Variants in ADAMTSL4 observed in about 807,000 individuals in gnomAD.
The protein encoded by ADAMTSL4 is ADAMTS-like protein 4.
Under a neutral mutation model 122.8 loss-of-function variants are expected in ADAMTSL4, and 97 were observed. The observed-to-expected ratio is 0.79, with a 90% CI of 0.67 to 0.93. ADAMTSL4 has a LOEUF of 0.93. Ranked by LOEUF, ADAMTSL4 falls within the 40% of genes least tolerant of loss-of-function variation. The probability of loss-of-function intolerance (pLI) is 0.00; values close to 1 mark genes in which losing one functional copy is unlikely to be tolerated. For synonymous variants in ADAMTSL4, 592 were observed against 568.0 expected (o/e 1.04, Z -0.60); for missense variants, 1,408 against 1,453.5 (o/e 0.97, Z 0.51).
Position 150,553,749 on chromosome 1 carries a change from C to A in ADAMTSL4, c.758C>A (p.Pro253His). Residue 253 changes from proline (P) to histidine (H), a missense_variant, in exon 6 of 19, where the codon CCC becomes CAC. Pro to His is a moderately conservative substitution (Grantham distance 77). Transcript: ENST00000271643. ...RTRPAPLRHH[P>H]RAQASGTEPP... ...AGGCCTGCCCCCCTACGGCATCACC[C>A]CAGAGCCCAGGCCTCTGGCACAGAG... The A allele has an allele frequency of 6.2e-7, 1 of 1,613,762 alleles. No homozygotes were observed. Among genetic ancestry groups the A allele is most frequent in the Non-Finnish European group, 8.5e-7 (1 of 1,179,848 alleles).
Position 150,556,328 on chromosome 1 carries a change from T to C in ADAMTSL4, c.1538T>C (p.Leu513Pro), listed in dbSNP as rs1672111600. Reference sequence around the variant, plus strand: ...TGGATTCCAGCGGGAGCCTTGCGGCTCCAGATTGCCCAGCTCCGGCCTAGC... The same window carrying C: ...TGGATTCCAGCGGGAGCCTTGCGGCCCCAGATTGCCCAGCTCCGGCCTAGC... Reference protein sequence around the residue: ...ILWIPAGALRLQIAQLRPSSN... With the variant: ...ILWIPAGALRPQIAQLRPSSN... Residue 513 changes from leucine (L) to proline (P), a missense_variant, in exon 9 of 19, where the codon CTC becomes CCC. Coordinates refer to ENST00000271643, the MANE Select transcript of ADAMTSL4 (RefSeq NM_019032.6). This position sits in a 1 kb window ranked among gnomAD's most constrained non-coding sequence, Gnocchi z 4.1. The C allele has an allele frequency of 6.2e-7, 1 of 1,614,010 alleles. No individual in the cohort carries two copies.
intron 2 of ADAMTSL4, chr1:150,550,963 CG>C (rs1267679412): frequency 2.2e-6 from 1 of 456,178 alleles, no homozygotes; most frequent in Non-Finnish European, 4.4e-6. Flanking sequence ...ATTCCTCTCC[CG>C]GGTGCCTTTC....
At chr1:150,553,386 T>C (rs1246512604) in intron 5 of ADAMTSL4, 40 bp from the exon 6 acceptor site, 2 of 1,609,646 alleles carry the variant, frequency 1.2e-6, no homozygotes, top group Admixed American at 1.7e-5. Flanking sequence ...GGGTCAGAGG[T>C]GGTCAGAGCT....
At chr1:150,557,913 C>G in intron 13 of ADAMTSL4, 32 bp from the exon 14 acceptor site, 1 of 1,593,284 alleles carries the variant, frequency 6.3e-7, no homozygotes, top group Non-Finnish European at 8.5e-7. Context: ...ATCTATGTCT[C>G]CGCCTCTTCC....
chr1:150,552,811 C>G lies in ADAMTSL4; in HGVS notation c.79-87C>G. The G allele has an allele frequency of 7.0e-7, 1 of 1,431,718 alleles. No individual in the cohort carries two copies. 88.7% of individuals were successfully genotyped at this position (1,431,718 alleles called of 1,614,324 possible). On this transcript the variant is annotated intron_variant, in intron 4 of 18. Transcript: ENST00000271643. This position sits in a 1 kb window ranked among gnomAD's most constrained non-coding sequence, Gnocchi z 4.0. Reference sequence around the variant, plus strand: ...ATGTGACCTTGGACTGGTAGCGACTCCGTGAGCCTCAGTGTTGGTCTACAT... The same window carrying G: ...ATGTGACCTTGGACTGGTAGCGACTGCGTGAGCCTCAGTGTTGGTCTACAT...
intron 5 of ADAMTSL4, 82 bp downstream of exon 5, chr1:150,553,335 G>C (rs1260383493): frequency 6.2e-7 from 1 of 1,605,628 alleles, no homozygotes; most frequent in Non-Finnish European, 8.5e-7. Context: ...GGTGGCTTCA[G>C]AGGGCTTGTC....
rs1404338596 is a variant in ADAMTSL4 at position 150,560,455 on chromosome 1, AT to A, written c.*260del. ...TGGATATGTGTGTGCTCAAACGTGT[AT>A]CACTTTTCAAAAAGAGGTTACACAG... On this transcript the variant is annotated 3_prime_UTR_variant, in exon 19 of 19. Transcript: ENST00000271643. The A allele has an allele frequency of 1.8e-6, 1 of 566,502 alleles. No homozygotes were observed. The highest frequency in any genetic ancestry group is 3.1e-6 in the Non-Finnish European group (1 of 317,942). The allele number at this position is 566,502 out of a possible 1,614,324, so 35.1% of individuals were successfully genotyped here. A position where few individuals can be genotyped will look rare whatever the true frequency, so the allele number is the denominator to read the frequency against.
Position 150,558,960 on chromosome 1 carries a change from A to T in ADAMTSL4, c.2560-2A>T, listed in dbSNP as rs748960320. On this transcript the variant is annotated splice_acceptor_variant, in intron 15 of 18. Transcript: ENST00000271643. LOFTEE classifies it high-confidence loss of function. ...CACACAGGCCGCTCTCCTCCTCCGCAGTGCTCAGCCGAGTGTGGGACGGGA... is the reference window on the plus strand; with the variant it reads ...CACACAGGCCGCTCTCCTCCTCCGCTGTGCTCAGCCGAGTGTGGGACGGGA... 1 of 1,605,196 alleles carries T rather than the reference A, an allele frequency of 6.2e-7. No individual in the cohort carries two copies. Among genetic ancestry groups the T allele is most frequent in the East Asian group, 2.2e-5 (1 of 44,634 alleles).
intron 8 of ADAMTSL4, among the ~76,000 whole-genome samples, 165 bp downstream of exon 8, chr1:150,555,730 CACGCACACACACGCAT>C (rs1332463730): frequency 2.7e-5 from 4 of 149,130 alleles, no homozygotes; most frequent in African/African-American, 1.0e-4. Flanking sequence ...CACACACACA[CACGCACACACACGCAT>C]ATGCACACAC....
chr1:150,556,277 G>T lies in ADAMTSL4; in HGVS notation c.1487G>T (p.Gly496Val), dbSNP rs756970776. 6.2e-7 allele frequency: 1 copy of T among 1,614,158 alleles called. No homozygotes were observed. The highest frequency in any genetic ancestry group is 8.5e-7 in the Non-Finnish European group (1 of 1,180,026). Residue 496 changes from glycine (G) to valine (V), a missense_variant, in exon 9 of 19, where the codon GGC becomes GTC. Coordinates refer to ENST00000271643, the MANE Select transcript of ADAMTSL4 (RefSeq NM_019032.6). This position sits in a 1 kb window ranked among gnomAD's most constrained non-coding sequence, Gnocchi z 4.1. ...LVSGNLTDRGGPLGYQKILWI... is the reference protein window; with the variant it reads ...LVSGNLTDRGVPLGYQKILWI... ...TCGGGGAACCTCACTGACCGAGGGG[G>T]CCCCCTGGGCTATCAGAAGATCTTG...
intron 15 of ADAMTSL4, 34 bp from the exon 16 acceptor site, chr1:150,558,928 G>A (rs1672500128): frequency 1.3e-6 from 2 of 1,575,392 alleles, no homozygotes; most frequent in Non-Finnish European, 1.7e-6. Context: ...GTCACCAGCA[G>A]GCCCCTCACA....
Position 150,556,496 on chromosome 1 carries a change from G to A in ADAMTSL4, c.1577-125G>A. 6.4e-7 allele frequency: 1 copy of A among 1,567,862 alleles called. No homozygotes were observed. The highest frequency in any genetic ancestry group is 8.8e-7 in the Non-Finnish European group (1 of 1,142,644). ...CCCCTCCCCTCGTGGAAGGAGTGAG[G>A]AAGCTGAGAGGGCTTGGGGGGATCT... On this transcript the variant is annotated intron_variant, in intron 9 of 18. Coordinates refer to ENST00000271643, the MANE Select transcript of ADAMTSL4 (RefSeq NM_019032.6). The surrounding 1 kb of genome is among the most constrained non-coding windows in gnomAD (Gnocchi z 4.1).
Position 150,554,639 on chromosome 1 carries a change from G to A in ADAMTSL4, c.1234+172G>A. 6.5e-7 allele frequency: 1 copy of A among 1,541,734 alleles called. No individual in the cohort carries two copies. Reference sequence around the variant, plus strand: ...GGTCAGGAGACAGCACAGGTGGTGAGTGGTCTGCAGAAGGGTCGGGGTGGG... The same window carrying A: ...GGTCAGGAGACAGCACAGGTGGTGAATGGTCTGCAGAAGGGTCGGGGTGGG... On this transcript the variant is annotated intron_variant, in intron 7 of 18. Transcript: ENST00000271643. This position sits in a 1 kb window ranked among gnomAD's most constrained non-coding sequence, Gnocchi z 4.0.
chr1:150,552,402 G>A lies in ADAMTSL4; in HGVS notation c.20+94G>A, dbSNP rs72700822. ...GTGAGGGAAAGGGGACCACTGGGAG[G>A]GGCAGGGGAAGTGATGAGTAACTTC... On this transcript the variant is annotated intron_variant, in intron 3 of 18. Coordinates refer to ENST00000271643, the MANE Select transcript of ADAMTSL4 (RefSeq NM_019032.6). This position sits in a 1 kb window ranked among gnomAD's most constrained non-coding sequence, Gnocchi z 4.0. 53,622 of 1,536,854 alleles carry A rather than the reference G, an allele frequency of 0.035. 1,069 individuals are homozygous for A. The highest frequency in any genetic ancestry group is 0.043 in the Middle Eastern group (255 of 5,926).
Position 150,549,995 on chromosome 1 carries a change from C to CTG in ADAMTSL4, c.-85+101_-85+102dup, listed in dbSNP as rs10668635. 0.5 allele frequency: 134,271 copies of CTG among 268,926 alleles called. 38,478 individuals are homozygous for CTG. Among genetic ancestry groups the CTG allele is most frequent in the Non-Finnish European group, 0.64 (83,055 of 129,468 alleles). The allele number at this position is 268,926 out of a possible 1,614,324, so 16.7% of individuals were successfully genotyped here. On this transcript the variant is annotated intron_variant, in intron 2 of 18. Coordinates refer to ENST00000271643, the MANE Select transcript of ADAMTSL4 (RefSeq NM_019032.6). This position sits in a 1 kb window ranked among gnomAD's most constrained non-coding sequence, Gnocchi z 5.0. The stretch of plus-strand genomic sequence containing the variant: ...CTGCCAGACCCAGGAGTGGAGGGCT[C>CTG]TGAGGGCCCGGGAATTCGGACTCAG...
At chr1:150,558,776 C>G (rs1437664083) in intron 15 of ADAMTSL4, 127 bp downstream of exon 15, 13 of 1,564,270 alleles carry the variant, frequency 8.3e-6, no homozygotes, top group Non-Finnish European at 1.1e-5. Context: ...ACCCTGGGAA[C>G]TCAGAGATAA....
At chr1:150,555,924 A>G in intron 8 of ADAMTSL4, 1 of 612,916 alleles carries the variant, frequency 1.6e-6, no homozygotes, top group East Asian at 2.8e-5. Context: ...ACAAAACACC[A>G]TACTGAGATC....
Position 150,559,929 on chromosome 1 carries a change from C to T in ADAMTSL4, c.3088+24C>T, listed in dbSNP as rs1029617005. 3.7e-6 allele frequency: 6 copies of T among 1,613,658 alleles called. No homozygotes were observed. The East Asian group carries it at 1.1e-4, about 30-fold the overall frequency. ...TGGTAAAGAGCCCCCTCTCCCCAAT[C>T]CCCAATACAGTGGATTAGCTGAAGT... is the stretch of plus-strand genomic sequence containing the variant. On this transcript the variant is annotated intron_variant, in intron 18 of 18. Coordinates refer to ENST00000271643, the MANE Select transcript of ADAMTSL4 (RefSeq NM_019032.6). This position sits in a 1 kb window ranked among gnomAD's most constrained non-coding sequence, Gnocchi z 4.1.
chr1:150,558,807 G>A, intron 15 of ADAMTSL4, 155 bp from the exon 16 acceptor site: 2 of 1,542,876 alleles, frequency 1.3e-6, no homozygotes, highest in Non-Finnish European at 1.7e-6. Flanking sequence ...CTTCCATGAG[G>A]GGCCCGGCTA....
Sources: gnomAD v4.1 joint callset for allele counts (sites outside exome capture counted in the v4.1 genomes callset) on GRCh38, gnomAD v4.1.1 for gene constraint, Gnocchi (gnomAD v3.1) non-coding constraint, MANE v1.5 for transcripts, NCBI Gene and HGNC (gene_info 2026-07-23, HGNC 2026-07-21) for gene names.